The following MYO5A variants were observed in gnomAD, a reference collection of about 807,000 sequenced individuals.
MYO5A encodes the protein myosin VA.
MYO5A carries 98 observed loss-of-function variants against 249.7 expected under a neutral mutation model. The ratio of observed to expected loss-of-function variants is 0.39; its 90% CI spans 0.33 to 0.46. The LOEUF is 0.46. MYO5A is among the 20% of genes least tolerant of loss of function. The probability of loss-of-function intolerance (pLI) is 0.98; values close to 1 mark genes in which losing one functional copy is unlikely to be tolerated. For synonymous variants in MYO5A, 778 were observed against 810.6 expected, an observed-to-expected ratio of 0.96 and a Z score of 0.68; for missense variants, 1,696 against 2,308.8, an observed-to-expected ratio of 0.73 and a Z score of 5.44.
chr15:52,359,964 G>A lies in MYO5A; in HGVS notation c.3423+4C>T, dbSNP rs750809098. 1.3e-6 allele frequency: 2 copies of A among 1,580,910 alleles called. No homozygotes were observed. The highest frequency in any genetic ancestry group is 3.3e-5 in the Admixed American group (2 of 59,742). On this transcript the variant is annotated splice_donor_region_variant and intron_variant, in intron 25 of 41. Coordinates refer to ENST00000399233, the MANE Select transcript of MYO5A (RefSeq NM_001382347.1). The stretch of plus-strand genomic sequence containing the variant: ...ACTTTCAGTGACAGATGTCTAAACT[G>A]TACCTCTGTCCTTGATGGAATGTCT...
At chr15:52,400,982 C>T (rs1256280875) in intron 9 of MYO5A, among the ~76,000 whole-genome samples, 5 of 151,924 alleles carry the variant, frequency 3.3e-5, no homozygotes, top group Admixed American at 1.3e-4. Flanking sequence ...GATCTTCTAA[C>T]TGGGATCACT....
chr15:52,478,218 G>C (rs1027051707), intron 1 of MYO5A, among the ~76,000 whole-genome samples: 1 of 152,196 alleles, frequency 6.6e-6, no homozygotes, highest in South Asian at 2.1e-4. Flanking sequence ...AGCCAGGCGC[G>C]GGATATAATC....
intron 13 of MYO5A, 78 bp downstream of exon 13, chr15:52,389,160 A>G (rs2042100567): frequency 6.8e-7 from 1 of 1,476,022 alleles, no homozygotes; most frequent in Non-Finnish European, 9.3e-7. Flanking sequence ...CAAAAGAAAA[A>G]AAAAGATACC....
At chr15:52,358,114 A>G (rs750373877) in intron 25 of MYO5A, among the ~76,000 whole-genome samples, 11 of 152,300 alleles carry the variant, frequency 7.2e-5, no homozygotes, top group Non-Finnish European at 1.0e-4. Context: ...GTTCCAAAGC[A>G]ATGTCATCCC....
intron 3 of MYO5A, among the ~76,000 whole-genome samples, chr15:52,427,477 C>G (rs1339217189): frequency 6.6e-6 from 1 of 151,528 alleles, no homozygotes; most frequent in Non-Finnish European, 1.5e-5. Context: ...GATAGGGTGG[C>G]TAGACAAGAC....
In MYO5A at chr15:52,316,196, T is replaced by C. The variant is rs367558076; in HGVS notation, c.5409+852A>G. ...TTGCAGTGAGTGGAGATCATACCAC[T>C]GCACTCCAACCTGGGCGACACAGCG... On this transcript the variant is annotated intron_variant, in intron 40 of 41. Coordinates refer to ENST00000399233, the MANE Select transcript of MYO5A (RefSeq NM_001382347.1). 1.8e-3 allele frequency among the ~76,000 whole-genome samples: 225 copies of C among 122,480 alleles called. 12 individuals carry two copies. In the South Asian group the frequency reaches 0.055, roughly 30 times the overall value. 80.4% of individuals were successfully genotyped at this position (122,480 alleles called of 152,430 possible).
At chr15:52,315,398 CT>C (rs67694030) in intron 40 of MYO5A, among the ~76,000 whole-genome samples, 13,054 of 145,848 alleles carry the variant, frequency 0.09, 1,664 homozygotes, top group African/African-American at 0.29. Flanking sequence ...TACTGATTGA[CT>C]TTTTTTTTTT....
chr15:52,482,547 G>A (rs2076735817), intron 1 of MYO5A, among the ~76,000 whole-genome samples: 1 of 152,094 alleles, frequency 6.6e-6, no homozygotes, highest in South Asian at 2.1e-4. Context: ...ATAAGTACTG[G>A]CTATAAATTC....
rs963570921 is a variant in MYO5A, at chr15:52,307,940, T to A, written c.*5756A>T. The A allele has an allele frequency of 2.0e-5, 3 of 151,880 alleles. No individual in the cohort carries two copies. Among genetic ancestry groups the A allele is most frequent in the Non-Finnish European group, 2.9e-5 (2 of 67,946 alleles). The allele number at this position is 151,880 out of a possible 1,614,324, so 9.4% of individuals were successfully genotyped here. On this transcript the variant is annotated 3_prime_UTR_variant, in exon 42 of 42. Coordinates refer to ENST00000399233, the MANE Select transcript of MYO5A (RefSeq NM_001382347.1). ...TATATATCCACATTTAAAGAAAAAA[T>A]TCACCATTTGTTGGGAAAAAATAAT...
chr15:52,349,107 T>A (rs569662710), intron 28 of MYO5A, among the ~76,000 whole-genome samples: 1 of 152,212 alleles, frequency 6.6e-6, no homozygotes. Flanking sequence ...TTATAAAATA[T>A]CTTTGAGTAT....
At chr15:52,442,212 C>T (rs1252684869) in intron 1 of MYO5A, among the ~76,000 whole-genome samples, 1 of 152,102 alleles carries the variant, frequency 6.6e-6, no homozygotes, top group Non-Finnish European at 1.5e-5. Flanking sequence ...CCAAACCCTA[C>T]CACAAATTCC....
intron 1 of MYO5A, among the ~76,000 whole-genome samples, chr15:52,517,582 G>A (rs1186309098): frequency 6.6e-6 from 1 of 152,052 alleles, no homozygotes; most frequent in Non-Finnish European, 1.5e-5. Context: ...GCTACTCTGG[G>A]TGCCTGTAAT....
At chr15:52,358,403 C>T (rs1240907259) in intron 25 of MYO5A, among the ~76,000 whole-genome samples, 1 of 152,188 alleles carries the variant, frequency 6.6e-6, no homozygotes, top group African/African-American at 2.4e-5. Context: ...ATTTTTAAAT[C>T]TTCAAAGTCT....
chr15:52,369,022 G>A (rs2040960616), intron 22 of MYO5A, among the ~76,000 whole-genome samples: 1 of 152,182 alleles, frequency 6.6e-6, no homozygotes, highest in Admixed American at 6.5e-5. Flanking sequence ...AATTCTGAGA[G>A]AACAAGCTTG....
Position 52,451,017 on chromosome 15 carries a change from T to A in MYO5A, c.28-17732A>T, listed in dbSNP as rs150434777. 2.0e-3 allele frequency among the ~76,000 whole-genome samples: 303 copies of A among 151,856 alleles called. 2 individuals are homozygous for A. The highest frequency in any genetic ancestry group is 7.1e-3 in the African/African-American group (295 of 41,360). On this transcript the variant is annotated intron_variant, in intron 1 of 41. Coordinates refer to ENST00000399233, the MANE Select transcript of MYO5A (RefSeq NM_001382347.1). ...ATGCCAATTTTTTCCCAAATTTCTA[T>A]CTCTACCTAGACTTTTCTACTGAAC...
At position 52,441,503 on chromosome 15, in the gene MYO5A, C is replaced by T. The variant is rs564912359; in HGVS notation, c.28-8218G>A. On this transcript the variant is annotated intron_variant, in intron 1 of 41. Transcript: ENST00000399233. Reference sequence around the variant, plus strand: ...CCCCACCAATTTTCACTTGCCACTTCTATTCTCCAGTCACAGAAAACTATG... The same window carrying T: ...CCCCACCAATTTTCACTTGCCACTTTTATTCTCCAGTCACAGAAAACTATG... Among the ~76,000 whole-genome samples, 105 of 152,326 alleles carry T rather than the reference C, an allele frequency of 6.9e-4. 1 individual carries two copies. The Middle Eastern group carries it at 0.024, about 35-fold the overall frequency.
intron 39 of MYO5A, among the ~76,000 whole-genome samples, chr15:52,317,569 C>T (rs1341515544): frequency 1.3e-5 from 2 of 152,218 alleles, no homozygotes; most frequent in Admixed American, 6.5e-5. Flanking sequence ...TTTGTAGCTT[C>T]TCTTACAATT....
intron 9 of MYO5A, among the ~76,000 whole-genome samples, chr15:52,398,001 TG>T (rs2042563443): frequency 6.6e-6 from 1 of 152,104 alleles, no homozygotes; most frequent in Admixed American, 6.5e-5. Flanking sequence ...AGGTGCTAAC[TG>T]GGTGAAAGGA....
chr15:52,526,619 G>T (rs778445822), intron 1 of MYO5A, among the ~76,000 whole-genome samples: 1 of 152,084 alleles, frequency 6.6e-6, no homozygotes, highest in African/African-American at 2.4e-5. Flanking sequence ...CCTCGGCAAC[G>T]TGTTGGGATT....
Sources: allele counts gnomAD v4.1 joint callset (sites outside exome capture counted in the v4.1 genomes callset), GRCh38; gene constraint gnomAD v4.1.1; transcripts MANE v1.5; gene names NCBI Gene and HGNC (gene_info 2026-07-23, HGNC 2026-07-21).